ZNF423: variants seen among roughly 807,000 people sequenced by gnomAD.
ZNF423 encodes Ebf-associated zinc finger protein.
A neutral mutation model predicts 95.8 loss-of-function variants in ZNF423; 12 were observed. That is an observed-to-expected ratio of 0.13 (90% CI 0.08 to 0.20). The LOEUF (loss-of-function observed/expected upper bound fraction) is 0.20. ZNF423 is among the 10% of genes least tolerant of loss of function. ZNF423 has a pLI of 1.00. For synonymous variants in ZNF423, 749 were observed against 711.9 expected, an observed-to-expected ratio of 1.05 and a Z score of -0.83; for missense variants, 1,316 against 1,737.1, an observed-to-expected ratio of 0.76 and a Z score of 4.31.
chr16:49,652,442 A>G (rs1322048291), intron 3 of ZNF423, among the ~76,000 whole-genome samples: 1 of 151,950 alleles, frequency 6.6e-6, no homozygotes, highest in Non-Finnish European at 1.5e-5. Context: ...AACTCCTGCC[A>G]GCAAGGAAGA....
intron 1 of ZNF423, among the ~76,000 whole-genome samples, chr16:49,793,340 T>C (rs917168090): frequency 1.5e-4 from 23 of 152,046 alleles, no homozygotes; most frequent in African/African-American, 5.1e-4. Flanking sequence ...CCAACATCCC[T>C]AAGAGGGAGT....
At chr16:49,580,627 C>T (rs1597132466) in intron 5 of ZNF423, among the ~76,000 whole-genome samples, 1 of 152,302 alleles carries the variant, frequency 6.6e-6, no homozygotes, top group East Asian at 1.9e-4. Flanking sequence ...ATTCTTCCAA[C>T]CTGTGATGCA....
intron 1 of ZNF423, among the ~76,000 whole-genome samples, chr16:49,790,225 T>C (rs563858594): frequency 6.6e-6 from 1 of 152,368 alleles, no homozygotes; most frequent in South Asian, 2.1e-4. Context: ...AAATGGAACT[T>C]TGTTTAAGCC....
At chr16:49,558,643 C>T (rs1170981979) in intron 5 of ZNF423, among the ~76,000 whole-genome samples, 1 of 152,184 alleles carries the variant, frequency 6.6e-6, no homozygotes, top group Non-Finnish European at 1.5e-5. Flanking sequence ...AAGGGATCCA[C>T]ACACACCCAC....
intron 2 of ZNF423, among the ~76,000 whole-genome samples, chr16:49,785,531 G>A (rs889065294): frequency 3.3e-5 from 5 of 152,196 alleles, no homozygotes; most frequent in African/African-American, 1.2e-4. Context: ...AAAGATATAA[G>A]CTGGGTTTGT....
intron 5 of ZNF423, among the ~76,000 whole-genome samples, chr16:49,561,966 A>G (rs1417113502): frequency 1.3e-5 from 2 of 152,212 alleles, no homozygotes; most frequent in Admixed American, 6.5e-5. Context: ...AATTACAATA[A>G]CCAGTTTATC....
chr16:49,661,630 G>T (rs2030236082), intron 3 of ZNF423, among the ~76,000 whole-genome samples: 1 of 152,174 alleles, frequency 6.6e-6, no homozygotes, highest in African/African-American at 2.4e-5. Context: ...GAAACACCTC[G>T]CATCCACTCA....
intron 1 of ZNF423, chr16:49,854,546 C>T (rs2035336541): frequency 1.0e-6 from 1 of 985,456 alleles, no homozygotes; most frequent in African/African-American, 1.7e-5. Context: ...AAGACAAGGG[C>T]CTGGGGGCTT....
intron 5 of ZNF423, among the ~76,000 whole-genome samples, chr16:49,553,098 G>A (rs1264033239): frequency 6.6e-6 from 1 of 152,082 alleles, no homozygotes; most frequent in Non-Finnish European, 1.5e-5. Context: ...CAAGCTTTCT[G>A]GGGTGTTAAG....
chr16:49,633,494 A>G (rs182737650), intron 4 of ZNF423, among the ~76,000 whole-genome samples: 31 of 152,318 alleles, frequency 2.0e-4, no homozygotes, highest in Admixed American at 2.0e-3. Context: ...TCAGCCCAGG[A>G]GAGACTCTAT....
chr16:49,589,467 T>C (rs543316365), intron 5 of ZNF423, among the ~76,000 whole-genome samples: 12 of 152,166 alleles, frequency 7.9e-5, no homozygotes, highest in African/African-American at 2.9e-4. Flanking sequence ...TGCATTTTGC[T>C]CAGTATTAAC....
Position 49,636,266 on chromosome 16 carries a change from G to C in ZNF423, c.2910C>G (p.Pro970=), listed in dbSNP as rs1972697473. Residue 970 remains proline (P), a synonymous_variant, in exon 4 of 8, where the codon CCC becomes CCG. Transcript: ENST00000563137. This position sits in a 1 kb window ranked among gnomAD's most constrained non-coding sequence, Gnocchi z 8.6. ...GCGAAGGGAAGCGCTCACCACAGAT[G>C]GGACACATGTAGTGCTTGGCAGGGC... is the stretch of plus-strand genomic sequence containing the variant. ...HRGPAKHYMC[P]ICGERFPSLL... The C allele has an allele frequency of 6.2e-7, 1 of 1,612,932 alleles. No individual in the cohort carries two copies. Among genetic ancestry groups the C allele is most frequent in the African/African-American group, 1.3e-5 (1 of 75,066 alleles).
At chr16:49,726,401 C>A (rs2033014907) in intron 3 of ZNF423, among the ~76,000 whole-genome samples, 1 of 152,172 alleles carries the variant, frequency 6.6e-6, no homozygotes, top group Non-Finnish European at 1.5e-5. Context: ...AAACCTCTCG[C>A]ACCTGCTTCT....
At chr16:49,532,757 C>T (rs537076328) in intron 5 of ZNF423, among the ~76,000 whole-genome samples, 2 of 152,310 alleles carry the variant, frequency 1.3e-5, no homozygotes, top group Admixed American at 1.3e-4. Flanking sequence ...GATCTGTGGG[C>T]CACTTGGGGC....
At chr16:49,501,614 T>C (rs1166902570) in intron 7 of ZNF423, among the ~76,000 whole-genome samples, 1 of 151,530 alleles carries the variant, frequency 6.6e-6, no homozygotes, top group Non-Finnish European at 1.5e-5. Flanking sequence ...AGCGAAGACA[T>C]GAAACCAACC....
At chr16:49,653,151 A>AG (rs1973476611) in intron 3 of ZNF423, among the ~76,000 whole-genome samples, 1 of 151,980 alleles carries the variant, frequency 6.6e-6, no homozygotes, top group Admixed American at 6.6e-5. Context: ...GGCGGGTGGG[A>AG]GGGGACTTGG....
chr16:49,600,509 C>A (rs977586307), intron 5 of ZNF423, among the ~76,000 whole-genome samples: 2 of 151,944 alleles, frequency 1.3e-5, no homozygotes, highest in Non-Finnish European at 2.9e-5. Context: ...CCTCACAATT[C>A]TAAACTCAGG....
At chr16:49,732,566 A>T (rs894388377) in intron 2 of ZNF423, among the ~76,000 whole-genome samples, 1 of 152,238 alleles carries the variant, frequency 6.6e-6, no homozygotes, top group African/African-American at 2.4e-5. Flanking sequence ...GTGTATGTGC[A>T]CCTGTATGTA....
intron 2 of ZNF423, among the ~76,000 whole-genome samples, chr16:49,769,485 G>A (rs1238216473): frequency 6.6e-6 from 1 of 152,082 alleles, no homozygotes; most frequent in Non-Finnish European, 1.5e-5. Flanking sequence ...ACCTGGATGA[G>A]TACTTGGTCA....
Sources: allele counts gnomAD v4.1 joint callset (sites outside exome capture counted in the v4.1 genomes callset), GRCh38; gene constraint gnomAD v4.1.1; non-coding constraint Gnocchi (gnomAD v3.1); transcripts MANE v1.5; gene names NCBI Gene and HGNC (gene_info 2026-07-23, HGNC 2026-07-21).